Variants in RBFOX1 observed in about 807,000 individuals in gnomAD.
RBFOX1 encodes the protein RNA binding protein fox-1 homolog 1.
A neutral mutation model predicts 57.7 loss-of-function variants in RBFOX1; 8 were observed. The observed-to-expected ratio is 0.14, with a 90% CI of 0.08 to 0.25. RBFOX1 has a LOEUF of 0.25. RBFOX1 is among the 10% of genes least tolerant of loss of function. The pLI is 1.00. For synonymous variants in RBFOX1, 326 were observed against 222.4 expected (o/e 1.47, Z -4.15); for missense variants, 611 against 548.5 (o/e 1.11, Z -1.14).
chr16:5,951,821 G>T (rs2059525916), intron 4 of RBFOX1, among the ~76,000 whole-genome samples: 1 of 151,804 alleles, frequency 6.6e-6, no homozygotes, highest in Non-Finnish European at 1.5e-5. Flanking sequence ...AAAAGCTTCT[G>T]GATTTTGCAT....
chr16:5,743,076 T>G (rs1461363813), intron 3 of RBFOX1, among the ~76,000 whole-genome samples: 1 of 152,178 alleles, frequency 6.6e-6, no homozygotes, highest in African/African-American at 2.4e-5. Context: ...TTTTCTCAAA[T>G]GGACTGATTT....
intron 2 of RBFOX1, among the ~76,000 whole-genome samples, chr16:5,504,624 A>G (rs2043315672): frequency 6.6e-6 from 1 of 152,240 alleles, no homozygotes; most frequent in Non-Finnish European, 1.5e-5. Flanking sequence ...CAAGTAAACC[A>G]GGCACAAGCA....
intron 4 of RBFOX1, among the ~76,000 whole-genome samples, chr16:7,363,331 C>A (rs562186556): frequency 2.0e-5 from 3 of 152,110 alleles, no homozygotes; most frequent in African/African-American, 4.8e-5. Flanking sequence ...GTGTTACTTA[C>A]AACGTGTGAG....
At chr16:7,639,320 A>T (rs1267797201) in intron 11 of RBFOX1, among the ~76,000 whole-genome samples, 1 of 152,160 alleles carries the variant, frequency 6.6e-6, no homozygotes, top group Non-Finnish European at 1.5e-5. Flanking sequence ...GACCCTTCCC[A>T]TCAGGGAATC....
At chr16:5,339,575 C>T (rs139210577) in intron 1 of RBFOX1, among the ~76,000 whole-genome samples, 22 of 138,386 alleles carry the variant, frequency 1.6e-4, no homozygotes, top group Admixed American at 4.8e-4. Flanking sequence ...CTTCAACTCT[C>T]GGGTTCAGGT....
intron 4 of RBFOX1, among the ~76,000 whole-genome samples, chr16:5,891,131 G>A (rs552749111): frequency 1.3e-5 from 2 of 152,338 alleles, no homozygotes; most frequent in South Asian, 4.1e-4. Context: ...ACAGAAGTCA[G>A]TTCTGCCTCT....
intron 4 of RBFOX1, among the ~76,000 whole-genome samples, chr16:7,099,774 G>C (rs552381345): frequency 1.1e-4 from 16 of 152,158 alleles, no homozygotes; most frequent in African/African-American, 3.6e-4. Context: ...ATATTCTGAT[G>C]GGCAAGTGGT....
At position 5,942,333 on chromosome 16, in the gene RBFOX1, C is replaced by T. The variant is rs182373801; in HGVS notation, c.351+74998C>T. ...AATGTAATCATAGGTGTGTGGACAA[C>T]GGTCCTCATATGCTGAGTCTGCTTC... On this transcript the variant is annotated intron_variant, in intron 4 of 19. Coordinates refer to the RBFOX1 transcript ENST00000641259. Among the ~76,000 whole-genome samples the T allele has an allele frequency of 6.6e-5, 10 of 152,170 alleles. No homozygotes were observed. In the South Asian group the frequency reaches 1.5e-3, roughly 22 times the overall value.
In RBFOX1 at chr16:7,180,458, C is replaced by T. The variant is rs187089172; in HGVS notation, c.27+128360C>T. 4.4e-4 allele frequency among the ~76,000 whole-genome samples: 67 copies of T among 152,154 alleles called. 1 individual carries two copies. The highest frequency in any genetic ancestry group is 2.9e-3 in the South Asian group (14 of 4,822). On this transcript the variant is annotated intron_variant, in intron 4 of 15. Transcript: ENST00000550418. ...AAGGTGAAGCCCTACATTCTACAGA[C>T]GTGTTTTCAGAAAGTCTACACCACG...
At chr16:7,576,814 G>C (rs960868638) in intron 5 of RBFOX1, among the ~76,000 whole-genome samples, 1 of 152,168 alleles carries the variant, frequency 6.6e-6, no homozygotes, top group Non-Finnish European at 1.5e-5. Flanking sequence ...CTCAGGATAA[G>C]AAGGAGCTCA....
At chr16:6,292,004 G>A (rs963391522) in intron 1 of RBFOX1, among the ~76,000 whole-genome samples, 1 of 151,982 alleles carries the variant, frequency 6.6e-6, no homozygotes, top group African/African-American at 2.4e-5. Context: ...TTGGGTCTGT[G>A]TTGTACAGGA....
chr16:6,733,401 C>G (rs949385731), intron 3 of RBFOX1, among the ~76,000 whole-genome samples: 3 of 152,170 alleles, frequency 2.0e-5, no homozygotes, highest in Admixed American at 6.5e-5. Flanking sequence ...AAAGCCTGTG[C>G]CTGTCAGCTG....
chr16:6,948,346 C>T (rs1389362479), intron 3 of RBFOX1, among the ~76,000 whole-genome samples: 3 of 136,482 alleles, frequency 2.2e-5, no homozygotes, highest in African/African-American at 8.3e-5. Context: ...TGACATCTTT[C>T]TGCTACATGT....
intron 2 of RBFOX1, among the ~76,000 whole-genome samples, chr16:6,448,991 A>G (rs2153040912): frequency 6.6e-6 from 1 of 152,358 alleles, no homozygotes; most frequent in African/African-American, 2.4e-5. Context: ...ATGCTTTTAT[A>G]TAAACCTACA....
At chr16:6,253,693 GTGTGTGTATA>G (rs1410172352) in intron 1 of RBFOX1, among the ~76,000 whole-genome samples, 1 of 112,220 alleles carries the variant, frequency 8.9e-6, no homozygotes, top group Non-Finnish European at 2.1e-5. Flanking sequence ...GTGTGTGTGT[GTGTGTGTATA>G]TATATATATA....
intron 2 of RBFOX1, among the ~76,000 whole-genome samples, chr16:6,520,680 C>G (rs144532448): frequency 6.6e-6 from 1 of 152,164 alleles, no homozygotes; most frequent in Non-Finnish European, 1.5e-5. Flanking sequence ...TCTGCAGGGC[C>G]TCAGCAGCAG....
At chr16:6,492,631 C>T (rs533522815) in intron 2 of RBFOX1, among the ~76,000 whole-genome samples, 1 of 152,228 alleles carries the variant, frequency 6.6e-6, no homozygotes, top group South Asian at 2.1e-4. Flanking sequence ...AGCCTTTCTG[C>T]CTCTGGAATC....
chr16:5,718,076 G>T (rs2051785444), intron 3 of RBFOX1, among the ~76,000 whole-genome samples: 2 of 152,114 alleles, frequency 1.3e-5, no homozygotes, highest in Non-Finnish European at 2.9e-5. Context: ...CTGGACAATA[G>T]GGTGTCATCG....
In RBFOX1 at chr16:6,006,400, TCTC is replaced by T. The variant is rs2094927502; in HGVS notation, c.351+139068_351+139070del. Among the ~76,000 whole-genome samples, 3 of 151,864 alleles carry T rather than the reference TCTC, an allele frequency of 2.0e-5. No homozygotes were observed. In the South Asian group the frequency reaches 6.2e-4, roughly 32 times the overall value. On this transcript the variant is annotated intron_variant, in intron 4 of 19. Transcript: ENST00000641259. ...GAAAAAAAAAAAAGGAAAAAAATGT[TCTC>T]CTTCTGCTGGAGTTAGTAGTCAGTA...
Sources: gnomAD v4.1 joint callset for allele counts (sites outside exome capture counted in the v4.1 genomes callset) on GRCh38, gnomAD v4.1.1 for gene constraint, MANE v1.5 for transcripts, NCBI Gene and HGNC (gene_info 2026-07-23, HGNC 2026-07-21) for gene names.